The following SLC25A30 variants were observed in gnomAD, a reference collection of about 807,000 sequenced individuals.
SLC25A30 encodes the protein kidney mitochondrial carrier protein 1.
A neutral mutation model predicts 42.7 loss-of-function variants in SLC25A30; 29 were observed. The observed-to-expected ratio is 0.68, with a 90% confidence interval of 0.51 to 0.93. The LOEUF (loss-of-function observed/expected upper bound fraction) is 0.93. Ranked by LOEUF, SLC25A30 falls within the 40% of genes least tolerant of loss-of-function variation. The pLI is 0.00. For synonymous variants in SLC25A30, 124 were observed against 131.0 expected, an observed-to-expected ratio of 0.95 and a Z score of 0.37; for missense variants, 300 against 359.7, an observed-to-expected ratio of 0.83 and a Z score of 1.34.
intron 8 of SLC25A30, 142 bp from the exon 9 acceptor site, chr13:45,397,480 C>G: frequency 1.7e-6 from 1 of 592,972 alleles, no homozygotes; most frequent in Admixed American, 2.9e-5. Context: ...ATCACCAGGT[C>G]AGGAGATCAA....
intron 8 of SLC25A30, 55 bp downstream of exon 8, chr13:45,398,885 T>G (rs1330102328): frequency 3.2e-6 from 5 of 1,578,580 alleles, no homozygotes; most frequent in Non-Finnish European, 4.3e-6. Context: ...AGTTACTTCT[T>G]AGATCAAAAA....
At chr13:45,400,031 TATAC>T (rs1223581115) in intron 7 of SLC25A30, among the ~76,000 whole-genome samples, 3 of 116,972 alleles carry the variant, frequency 2.6e-5, no homozygotes, top group African/African-American at 9.8e-5. Flanking sequence ...TATATATATA[TATAC>T]ACACACACAC....
In SLC25A30 at chr13:45,394,440, A is replaced by C. The variant is rs1035849649; in HGVS notation, c.*1534T>G. 1 of 985,280 alleles carries C rather than the reference A, an allele frequency of 1.0e-6. No individual in the cohort carries two copies. The highest frequency in any genetic ancestry group is 1.2e-6 in the Non-Finnish European group (1 of 829,942). 61.0% of individuals were successfully genotyped at this position (985,280 alleles called of 1,614,324 possible). A position where few individuals can be genotyped will look rare whatever the true frequency, so the allele number is the denominator to read the frequency against. ...CAGTCTCAACAAAGAGACTGGCCAG[A>C]CTGGGAATTTGGCCGCACTACTGTG... On this transcript the variant is annotated 3_prime_UTR_variant, in exon 10 of 10. Coordinates refer to ENST00000519676, the MANE Select transcript of SLC25A30 (RefSeq NM_001010875.4).
intron 8 of SLC25A30, chr13:45,398,103 G>A (rs1881548893): frequency 3.1e-6 from 3 of 977,400 alleles, no homozygotes. Flanking sequence ...TTGGAAAACA[G>A]GAACCACAAA....
In SLC25A30 at chr13:45,406,034, T is replaced by A. The variant is rs75401819; in HGVS notation, c.213-57A>T. 1.0e-3 allele frequency: 1,585 copies of A among 1,526,816 alleles called. 13 individuals are homozygous for A. In the South Asian group the frequency reaches 0.013, roughly 12 times the overall value. 94.6% of individuals were successfully genotyped at this position (1,526,816 alleles called of 1,614,324 possible). A position where few individuals can be genotyped will look rare whatever the true frequency, so the allele number is the denominator to read the frequency against. ...AATCTAAAAATCACTTAACATCGGC[T>A]AGGCAACCCACATGCAGAGTGCCAT... On this transcript the variant is annotated intron_variant, in intron 3 of 9. Transcript: ENST00000519676.
chr13:45,395,403 ATC>A lies in SLC25A30; in HGVS notation c.*569_*570del, dbSNP rs1881232105. 7.1e-6 allele frequency: 7 copies of A among 986,536 alleles called. No homozygotes were observed. The highest frequency in any genetic ancestry group is 8.4e-6 in the Non-Finnish European group (7 of 830,662). The allele number at this position is 986,536 out of a possible 1,614,324, so 61.1% of individuals were successfully genotyped here. A position where few individuals can be genotyped will look rare whatever the true frequency, so the allele number is the denominator to read the frequency against. ...TAAAATCACTTATTATAAGTGGAAG[ATC>A]CTGCCAAAATAGGAAATGATAAAGC... On this transcript the variant is annotated 3_prime_UTR_variant, in exon 10 of 10. Coordinates refer to ENST00000519676, the MANE Select transcript of SLC25A30 (RefSeq NM_001010875.4).
At chr13:45,427,854 C>T in the SLC25A30 span, among the ~76,000 whole-genome samples, 1 of 151,942 alleles carries the variant, frequency 6.6e-6, no homozygotes, top group Admixed American at 6.6e-5. Flanking sequence ...AGCGATTCTC[C>T]TGCCTCAGCC....
chr13:45,425,289 C>A, the SLC25A30 span, among the ~76,000 whole-genome samples: 2 of 91,420 alleles, frequency 2.2e-5, no homozygotes, highest in Non-Finnish European at 3.8e-5. Context: ...AATATATGTA[C>A]GTATATATAC....
Position 45,395,078 on chromosome 13 carries a change from A to G in SLC25A30, c.*896T>C, listed in dbSNP as rs1370852034. On this transcript the variant is annotated 3_prime_UTR_variant, in exon 10 of 10. Transcript: ENST00000519676. ...CATAGACTGTTTAGAGCTGTTCCAC[A>G]GCATGATGTAAACACATTTACCTTT... The G allele has an allele frequency of 3.0e-6, 3 of 985,392 alleles. No individual in the cohort carries two copies. The highest frequency in any genetic ancestry group is 2.3e-4 in the East Asian group (2 of 8,834). The allele number at this position is 985,392 out of a possible 1,614,324, so 61.0% of individuals were successfully genotyped here.
rs1292488729 is a variant in SLC25A30 at position 45,399,072 on chromosome 13, G to T, written c.621C>A (p.Ser207Arg). The T allele has an allele frequency of 2.5e-6, 4 of 1,600,126 alleles. No individual in the cohort carries two copies. Among genetic ancestry groups the T allele is most frequent in the Non-Finnish European group, 3.4e-6 (4 of 1,175,796 alleles). ...GGGCCCCTGCCAGACCACAGGTGAA[G>T]CTTGAGCTATAAAGACACCATTGGA... ...GDTVYTHFLS[S>R]FTCGLAGALA... is the part of the protein sequence containing the mutation. The change falls in exon 8 of 10, where the codon AGC (serine) becomes AGA (arginine). Residue 207 changes from serine to arginine, a missense_variant. By Grantham distance (110) the Ser-to-Arg change is moderately radical (BLOSUM62 -1). Coordinates refer to ENST00000519676, the MANE Select transcript of SLC25A30 (RefSeq NM_001010875.4).
the SLC25A30 span, among the ~76,000 whole-genome samples, chr13:45,433,532 T>C: frequency 1.3e-5 from 2 of 152,214 alleles, no homozygotes; most frequent in Non-Finnish European, 2.9e-5. Context: ...AGGGCTGTGT[T>C]CTCAGTTCTT....
chr13:45,431,853 C>T, the SLC25A30 span, among the ~76,000 whole-genome samples: 2 of 152,170 alleles, frequency 1.3e-5, no homozygotes, highest in Non-Finnish European at 2.9e-5. Flanking sequence ...TCTAGTCTTT[C>T]TCATAGTAAA....
Position 45,406,101 on chromosome 13 carries a change from G to T in SLC25A30, c.213-124C>A, listed in dbSNP as rs556579837. 9.0e-4 allele frequency: 576 copies of T among 640,576 alleles called. 2 individuals are homozygous for T. In the African/African-American group the frequency reaches 9.8e-3, roughly 11 times the overall value. The allele number at this position is 640,576 out of a possible 1,614,324, so 39.7% of individuals were successfully genotyped here. Reference sequence around the variant, plus strand: ...TTCTCTAAAACAATTTTTTTTTTTTGAGACGGAGTTTCGCTCTGTCACCCA... The same window carrying T: ...TTCTCTAAAACAATTTTTTTTTTTTTAGACGGAGTTTCGCTCTGTCACCCA... On this transcript the variant is annotated intron_variant, in intron 3 of 9. Transcript: ENST00000519676.
the SLC25A30 span, among the ~76,000 whole-genome samples, chr13:45,427,847 G>A: frequency 1.3e-5 from 2 of 151,588 alleles, no homozygotes; most frequent in South Asian, 2.1e-4. Flanking sequence ...AGGTTCAAGC[G>A]ATTCTCCTGC....
chr13:45,400,517 G>T (rs1230246941), intron 7 of SLC25A30, among the ~76,000 whole-genome samples: 1 of 152,160 alleles, frequency 6.6e-6, no homozygotes, highest in Non-Finnish European at 1.5e-5. Flanking sequence ...TTATTTTAGA[G>T]ACAGGGTCTT....
chr13:45,420,990 TG>T (rs1208832254), upstream of SLC25A30, among the ~76,000 whole-genome samples: 2 of 152,128 alleles, frequency 1.3e-5, no homozygotes, highest in Non-Finnish European at 2.9e-5. Context: ...GCAGTAACCT[TG>T]GGTTCCTCCA....
chr13:45,415,242 A>G (rs1883415257), intron 1 of SLC25A30, among the ~76,000 whole-genome samples: 1 of 152,154 alleles, frequency 6.6e-6, no homozygotes, highest in African/African-American at 2.4e-5. Context: ...AGCCTCAGAG[A>G]AGAAAAGTAA....
the SLC25A30 span, among the ~76,000 whole-genome samples, chr13:45,425,542 ATATATATAAG>A: frequency 1.3e-5 from 1 of 75,080 alleles, no homozygotes. Flanking sequence ...GTATAAGTAT[ATATATATAAG>A]TATATATATA....
intron 1 of SLC25A30, among the ~76,000 whole-genome samples, chr13:45,416,285 G>A (rs1883525252): frequency 6.6e-6 from 1 of 151,766 alleles, no homozygotes; most frequent in Admixed American, 6.6e-5. Flanking sequence ...GTGGGCGCCT[G>A]TAATTCTAGC....
Sources: gnomAD v4.1 joint callset for allele counts (sites outside exome capture counted in the v4.1 genomes callset) on GRCh38, gnomAD v4.1.1 for gene constraint, MANE v1.5 for transcripts, NCBI Gene and HGNC (gene_info 2026-07-23, HGNC 2026-07-21) for gene names.